LRMDA: variants seen among roughly 807,000 people sequenced by gnomAD.
The protein encoded by LRMDA is leucine rich melanocyte differentiation associated.
Under a neutral mutation model 29.8 loss-of-function variants are expected in LRMDA, and 18 were observed. The ratio of observed to expected loss-of-function variants is 0.60; its 90% CI spans 0.42 to 0.90. The LOEUF (loss-of-function observed/expected upper bound fraction) is 0.90. Among genes scored for constraint, LRMDA ranks in the 40% least tolerant of loss-of-function variants. The probability of loss-of-function intolerance (pLI) is 0.00; values close to 1 mark genes in which losing one functional copy is unlikely to be tolerated. For synonymous variants in LRMDA, 125 were observed against 109.4 expected (o/e 1.14, Z -0.89); for missense variants, 273 against 273.9 (o/e 1.00, Z 0.02).
At chr10:76,304,247 C>T (rs991163324) in intron 5 of LRMDA, among the ~76,000 whole-genome samples, 1 of 152,204 alleles carries the variant, frequency 6.6e-6, no homozygotes, top group Admixed American at 6.5e-5. Context: ...GGGGTCCCTC[C>T]TGCCAGATCC....
At chr10:75,675,669 A>G (rs1456403435) in intron 2 of LRMDA, among the ~76,000 whole-genome samples, 2 of 151,804 alleles carry the variant, frequency 1.3e-5, no homozygotes, top group Admixed American at 1.3e-4. Flanking sequence ...AGACCTGATT[A>G]TAAAATGAAA....
intron 6 of LRMDA, among the ~76,000 whole-genome samples, chr10:76,406,986 C>T (rs887368900): frequency 1.5e-4 from 23 of 152,198 alleles, no homozygotes; most frequent in Non-Finnish European, 8.8e-5. Flanking sequence ...TCTGCCCATT[C>T]GTGCAACCTT....
chr10:75,460,863 GTTA>G (rs1199155318), intron 2 of LRMDA, among the ~76,000 whole-genome samples: 1 of 151,872 alleles, frequency 6.6e-6, no homozygotes, highest in East Asian at 1.9e-4. Context: ...ACTTTTTGGT[GTTA>G]TTAAGACATG....
intron 2 of LRMDA, among the ~76,000 whole-genome samples, chr10:75,631,411 C>A (rs2059999): frequency 6.6e-6 from 1 of 151,528 alleles, no homozygotes; most frequent in Admixed American, 6.6e-5. Flanking sequence ...GCACCCCCCC[C>A]GCCCCGCCAC....
At chr10:76,174,472 T>C (rs953602607) in intron 5 of LRMDA, among the ~76,000 whole-genome samples, 2 of 152,212 alleles carry the variant, frequency 1.3e-5, no homozygotes, top group Non-Finnish European at 2.9e-5. Flanking sequence ...ACTACAAAGT[T>C]ATTTTAACAT....
intron 4 of LRMDA, among the ~76,000 whole-genome samples, chr10:76,047,798 A>G (rs189436149): frequency 1.6e-4 from 24 of 152,236 alleles, no homozygotes; most frequent in Non-Finnish European, 2.4e-4. Context: ...TCCCACCAAA[A>G]TTTAGGGAGC....
At chr10:76,398,272 T>TC (rs372483020) in intron 6 of LRMDA, among the ~76,000 whole-genome samples, 28 of 151,940 alleles carry the variant, frequency 1.8e-4, no homozygotes, top group African/African-American at 5.8e-4. Flanking sequence ...GACGTCCCCC[T>TC]CCCCCCAGCT....
rs1202342343 is a variant in LRMDA, at chr10:75,714,802, GTTCCCTTCCTCCTTCT to G, written c.131+276331_131+276346del. ...TCCTTCCCTTTCTCCCTTTTCTTTT[GTTCCCTTCCTCCTTCT>G]TTCCCTTCCTCCTTCTTTCCCTCCC... On this transcript the variant is annotated intron_variant, in intron 2 of 6. Coordinates refer to ENST00000611255, the MANE Select transcript of LRMDA (RefSeq NM_001305581.2). Among the ~76,000 whole-genome samples, 7 of 147,606 alleles carry G rather than the reference GTTCCCTTCCTCCTTCT, an allele frequency of 4.7e-5. 1 individual carries two copies. The South Asian group carries it at 6.5e-4, about 14-fold the overall frequency.
chr10:76,370,236 G>T (rs1841437895), intron 6 of LRMDA, among the ~76,000 whole-genome samples: 1 of 151,558 alleles, frequency 6.6e-6, no homozygotes, highest in Non-Finnish European at 1.5e-5. Flanking sequence ...ATTATATAAG[G>T]GTAAAAAAAA....
intron 2 of LRMDA, among the ~76,000 whole-genome samples, chr10:75,637,418 C>T (rs906861639): frequency 2.6e-5 from 4 of 151,800 alleles, no homozygotes; most frequent in Non-Finnish European, 4.4e-5. Flanking sequence ...AGGGAGGAGG[C>T]GGAGGAAGAG....
intron 5 of LRMDA, among the ~76,000 whole-genome samples, chr10:76,306,320 T>C (rs375184607): frequency 1.6e-4 from 24 of 152,252 alleles, no homozygotes; most frequent in East Asian, 7.7e-4. Context: ...AGAAGAGTTT[T>C]AGCAGCCTAG....
At chr10:76,128,426 A>G (rs1184635629) in intron 5 of LRMDA, among the ~76,000 whole-genome samples, 1 of 152,244 alleles carries the variant, frequency 6.6e-6, no homozygotes, top group East Asian at 1.9e-4. Context: ...GAGGTGGCTC[A>G]GGAATGTGGC....
At chr10:76,535,732 A>G (rs1843283688) in intron 6 of LRMDA, 1 of 152,046 alleles carries the variant, frequency 6.6e-6, no homozygotes, top group Admixed American at 6.6e-5. Flanking sequence ...ATTTCCCTAT[A>G]TCTCTGAGTC....
chr10:75,976,943 C>G (rs1188462672), intron 2 of LRMDA, among the ~76,000 whole-genome samples: 1 of 152,136 alleles, frequency 6.6e-6, no homozygotes, highest in Non-Finnish European at 1.5e-5. Context: ...TAAACACAAT[C>G]ATGGATTATT....
At chr10:76,425,106 G>T (rs1445695565) in intron 6 of LRMDA, among the ~76,000 whole-genome samples, 1 of 152,158 alleles carries the variant, frequency 6.6e-6, no homozygotes, top group Non-Finnish European at 1.5e-5. Flanking sequence ...ATCCAAAATA[G>T]CCAATCCAAA....
chr10:75,875,311 G>A (rs1276178226), intron 2 of LRMDA, among the ~76,000 whole-genome samples: 1 of 152,240 alleles, frequency 6.6e-6, no homozygotes, highest in Non-Finnish European at 1.5e-5. Context: ...GTTTAGTGAA[G>A]AAGACAGAAA....
intron 2 of LRMDA, among the ~76,000 whole-genome samples, chr10:75,892,496 T>G (rs1209390776): frequency 6.6e-6 from 1 of 152,254 alleles, no homozygotes; most frequent in African/African-American, 2.4e-5. Context: ...AAGACATAAG[T>G]AATACCATTC....
intron 4 of LRMDA, among the ~76,000 whole-genome samples, chr10:76,053,748 C>T (rs1238955320): frequency 6.6e-6 from 1 of 152,176 alleles, no homozygotes; most frequent in Non-Finnish European, 1.5e-5. Flanking sequence ...TGGGGCAGGG[C>T]AGCCCTTAGC....
At chr10:76,455,676 C>T (rs541518533) in intron 6 of LRMDA, among the ~76,000 whole-genome samples, 28 of 152,110 alleles carry the variant, frequency 1.8e-4, no homozygotes, top group South Asian at 8.3e-4. Context: ...CCTTACACAC[C>T]GGTTAGCAGC....
Sources: gnomAD v4.1 joint callset for allele counts (sites outside exome capture counted in the v4.1 genomes callset) on GRCh38, gnomAD v4.1.1 for gene constraint, MANE v1.5 for transcripts, NCBI Gene and HGNC (gene_info 2026-07-23, HGNC 2026-07-21) for gene names.